BCAS1: variants seen among roughly 807,000 people sequenced by gnomAD.
BCAS1 encodes breast carcinoma-amplified sequence 1.
BCAS1 carries 46 observed loss-of-function variants against 65.4 expected under a neutral mutation model. The observed-to-expected ratio is 0.70, with a 90% CI of 0.55 to 0.90. BCAS1 has a LOEUF of 0.90. Among genes scored for constraint, BCAS1 ranks in the 40% least tolerant of loss-of-function variants. The pLI is 0.00. For synonymous variants in BCAS1, 298 were observed against 293.5 expected (o/e 1.02, Z -0.16); for missense variants, 793 against 771.2 (o/e 1.03, Z -0.33).
At chr20:53,996,461 TAAAAAAAA>T (rs143929524) in intron 4 of BCAS1, among the ~76,000 whole-genome samples, 1 of 92,208 alleles carries the variant, frequency 1.1e-5, no homozygotes, top group African/African-American at 3.4e-5. Flanking sequence ...TTATATCAAC[TAAAAAAAA>T]AAAAAAAAAA....
chr20:53,991,861 T>A (rs1341125855), intron 7 of BCAS1, among the ~76,000 whole-genome samples: 1 of 152,150 alleles, frequency 6.6e-6, no homozygotes, highest in Non-Finnish European at 1.5e-5. Context: ...TGCAGAAATA[T>A]GATATTACAT....
intron 9 of BCAS1, among the ~76,000 whole-genome samples, chr20:53,970,851 A>AT (rs1285804789): frequency 6.6e-6 from 1 of 152,094 alleles, no homozygotes; most frequent in Non-Finnish European, 1.5e-5. Flanking sequence ...AAAGGTTTTT[A>AT]TTTTAGAATA....
intron 3 of BCAS1, among the ~76,000 whole-genome samples, chr20:54,038,487 G>A (rs940964610): frequency 1.1e-4 from 17 of 151,280 alleles, no homozygotes; most frequent in African/African-American, 4.1e-4. Context: ...GAAGCAGCAA[G>A]CACAGAGCTT....
rs542395259 is a variant in BCAS1 at position 54,068,466 on chromosome 20, G to A, written c.-6+1967C>T. 1.5e-4 allele frequency: 23 copies of A among 154,310 alleles called. No individual in the cohort carries two copies. The South Asian group carries it at 3.7e-3, about 25-fold the overall frequency. The allele number at this position is 154,310 out of a possible 1,614,324, so 9.6% of individuals were successfully genotyped here. On this transcript the variant is annotated intron_variant, in intron 1 of 12. Coordinates refer to ENST00000688948, the MANE Select transcript of BCAS1 (RefSeq NM_001366298.2). ...GCAGAATCGGCAGCAGAGAGTGAGC[G>A]CCTCCCTGCATTTTATCCCCCAGGT...
At chr20:53,955,281 C>A (rs1207270661) in intron 11 of BCAS1, among the ~76,000 whole-genome samples, 2 of 152,196 alleles carry the variant, frequency 1.3e-5, no homozygotes, top group Non-Finnish European at 2.9e-5. Context: ...AACAGGCATC[C>A]AGTGTACCTT....
chr20:53,966,309 G>T (rs1381130326), intron 10 of BCAS1, among the ~76,000 whole-genome samples: 1 of 152,212 alleles, frequency 6.6e-6, no homozygotes, highest in Non-Finnish European at 1.5e-5. Flanking sequence ...AAAAAGGAAT[G>T]AAATAATGTC....
chr20:53,985,513 A>G lies in BCAS1; in HGVS notation c.1063-14T>C, dbSNP rs1368066095. 1.2e-6 allele frequency: 2 copies of G among 1,609,772 alleles called. No individual in the cohort carries two copies. Reference sequence around the variant, plus strand: ...CTTTTCAGCACCCTAAAGAGTTAAAAAAAATGGAGGGAAAACATTCAAAAT... The same window carrying G: ...CTTTTCAGCACCCTAAAGAGTTAAAGAAAATGGAGGGAAAACATTCAAAAT... On this transcript the variant is annotated splice_polypyrimidine_tract_variant and intron_variant, in intron 7 of 12. Coordinates refer to ENST00000688948, the MANE Select transcript of BCAS1 (RefSeq NM_001366298.2).
chr20:54,034,540 C>A (rs369139313), intron 3 of BCAS1, among the ~76,000 whole-genome samples: 6 of 151,012 alleles, frequency 4.0e-5, no homozygotes, highest in East Asian at 3.9e-4. Context: ...ACAATCGCCA[C>A]AAAAAGAGTA....
intron 9 of BCAS1, 113 bp downstream of exon 9, chr20:53,975,276 G>T: frequency 1.2e-6 from 1 of 867,672 alleles, no homozygotes; most frequent in Non-Finnish European, 1.9e-6. Flanking sequence ...TACAACAAAC[G>T]AATCACACTG....
chr20:54,047,991 C>T (rs2092142169), intron 3 of BCAS1, among the ~76,000 whole-genome samples: 1 of 152,162 alleles, frequency 6.6e-6, no homozygotes, highest in Admixed American at 6.5e-5. Flanking sequence ...AGTGCAGTTA[C>T]ATCCATAGTT....
intron 1 of BCAS1, among the ~76,000 whole-genome samples, chr20:54,064,512 T>C (rs1389003980): frequency 6.6e-6 from 1 of 152,210 alleles, no homozygotes; most frequent in Non-Finnish European, 1.5e-5. Context: ...TCAAGAGAAC[T>C]GTCCTGGGCC....
intron 1 of BCAS1, among the ~76,000 whole-genome samples, chr20:54,069,099 AC>A (rs1207347070): frequency 2.0e-5 from 3 of 151,924 alleles, no homozygotes; most frequent in African/African-American, 7.3e-5. Flanking sequence ...ATGAGAAACT[AC>A]TTTAGCATGC....
At chr20:53,985,207 A>G (rs909950078) in intron 8 of BCAS1, 80 bp downstream of exon 8, 1 of 1,358,312 alleles carries the variant, frequency 7.4e-7, no homozygotes, top group African/African-American at 1.4e-5. Context: ...ATTGTTGAGT[A>G]CAACAGTTAG....
At chr20:53,988,914 G>A (rs1436941340) in intron 7 of BCAS1, among the ~76,000 whole-genome samples, 3 of 152,150 alleles carry the variant, frequency 2.0e-5, no homozygotes, top group Non-Finnish European at 2.9e-5. Flanking sequence ...ATACTACACT[G>A]TTTCCAATGA....
chr20:53,966,121 T>C (rs2090019065), intron 10 of BCAS1, among the ~76,000 whole-genome samples: 1 of 152,168 alleles, frequency 6.6e-6, no homozygotes, highest in South Asian at 2.1e-4. Context: ...GCAATCCCAC[T>C]ACTGGGTATC....
At chr20:53,992,703 T>C (rs1439325678) in intron 6 of BCAS1, 57 bp from the exon 7 acceptor site, 2 of 1,348,102 alleles carry the variant, frequency 1.5e-6, no homozygotes, top group Non-Finnish European at 2.0e-6. Flanking sequence ...AAATTCTTTT[T>C]GTTTTCTGTT....
chr20:53,950,504 G>A (rs971126431), intron 12 of BCAS1, among the ~76,000 whole-genome samples: 1 of 151,452 alleles, frequency 6.6e-6, no homozygotes, highest in Non-Finnish European at 1.5e-5. Flanking sequence ...AAACTCTATC[G>A]CGGGACCTTG....
chr20:54,051,073 C>T (rs1484061722), intron 3 of BCAS1, among the ~76,000 whole-genome samples: 1 of 152,130 alleles, frequency 6.6e-6, no homozygotes, highest in Non-Finnish European at 1.5e-5. Flanking sequence ...CGTCATTCTC[C>T]TTTCTTATTG....
Position 54,066,781 on chromosome 20 carries a change from T to A in BCAS1, c.-6+3652A>T, listed in dbSNP as rs536492680. Among the ~76,000 whole-genome samples, 17 of 152,318 alleles carry A rather than the reference T, an allele frequency of 1.1e-4. No homozygotes were observed. The East Asian group carries it at 3.1e-3, about 28-fold the overall frequency. On this transcript the variant is annotated intron_variant, in intron 1 of 12. Transcript: ENST00000688948. ...TATGAGAAAACAAAAATGACTGTTG[T>A]TTAAGCCACCTAGTCTGTGGTGTTT...
Sources: allele counts gnomAD v4.1 joint callset (sites outside exome capture counted in the v4.1 genomes callset), GRCh38; gene constraint gnomAD v4.1.1; transcripts MANE v1.5; gene names NCBI Gene and HGNC (gene_info 2026-07-23, HGNC 2026-07-21).